ZNF385B: variants seen among roughly 807,000 people sequenced by gnomAD.
The protein encoded by ZNF385B is zinc finger protein 533.
Under a neutral mutation model 39.2 loss-of-function variants are expected in ZNF385B, and 23 were observed. The observed-to-expected ratio is 0.59, with a 90% CI of 0.42 to 0.83. The LOEUF (loss-of-function observed/expected upper bound fraction) is 0.83, where lower values mean the gene tolerates loss of function less well. ZNF385B is among the 40% of genes least tolerant of loss of function. ZNF385B has a pLI of 0.00. For missense variants in ZNF385B, 552 were observed against 598.9 expected (o/e 0.92, Z 0.82); for synonymous variants, 205 against 222.6 (o/e 0.92, Z 0.70).
chr2:179,687,337 T>C (rs1424383742), intron 3 of ZNF385B, among the ~76,000 whole-genome samples: 1 of 152,038 alleles, frequency 6.6e-6, no homozygotes, highest in Non-Finnish European at 1.5e-5. Flanking sequence ...ATCTACATTT[T>C]GTAATTTTTC....
intron 3 of ZNF385B, among the ~76,000 whole-genome samples, chr2:179,610,646 G>C (rs1221529488): frequency 1.3e-5 from 2 of 152,122 alleles, no homozygotes; most frequent in Non-Finnish European, 2.9e-5. Flanking sequence ...GCTTTGGGTA[G>C]TATGGACATC....
At chr2:179,604,841 A>G (rs922029357) in intron 3 of ZNF385B, among the ~76,000 whole-genome samples, 1 of 152,100 alleles carries the variant, frequency 6.6e-6, no homozygotes, top group Non-Finnish European at 1.5e-5. Context: ...GTGAAATGTC[A>G]CTGTGCCTAC....
intron 3 of ZNF385B, among the ~76,000 whole-genome samples, chr2:179,646,407 C>T (rs544728789): frequency 5.9e-5 from 9 of 152,320 alleles, no homozygotes; most frequent in Non-Finnish European, 1.2e-4. Context: ...AACGAGACTA[C>T]GTCTCAAAAA....
intron 6 of ZNF385B, among the ~76,000 whole-genome samples, chr2:179,454,298 A>G (rs2050454000): frequency 6.6e-6 from 1 of 152,214 alleles, no homozygotes; most frequent in African/African-American, 2.4e-5. Flanking sequence ...GGTAGCTGTC[A>G]TGATGTTGTA....
chr2:179,690,545 G>C (rs1226417325), intron 3 of ZNF385B, among the ~76,000 whole-genome samples: 1 of 152,134 alleles, frequency 6.6e-6, no homozygotes, highest in Non-Finnish European at 1.5e-5. Context: ...CTGTTCAAGG[G>C]CCAATTGTAA....
At position 179,835,536 on chromosome 2, in the gene ZNF385B, G is replaced by A. The variant is rs1300615020; in HGVS notation, c.-155+25565C>T. ...GGGGGCCAGGAAAACTATGGCAAAGGTCTAAGGAATACGACGCTTGCTAAC... is the reference window on the plus strand; with the variant it reads ...GGGGGCCAGGAAAACTATGGCAAAGATCTAAGGAATACGACGCTTGCTAAC... On this transcript the variant is annotated intron_variant, in intron 1 of 9. Coordinates refer to ENST00000410066, the MANE Select transcript of ZNF385B (RefSeq NM_152520.6). Among the ~76,000 whole-genome samples the A allele has an allele frequency of 5.3e-5, 8 of 152,208 alleles. 1 individual carries two copies. In the Middle Eastern group the frequency reaches 0.01, roughly 194 times the overall value.
chr2:179,784,139 G>T (rs896118482), intron 1 of ZNF385B, among the ~76,000 whole-genome samples: 1 of 152,142 alleles, frequency 6.6e-6, no homozygotes, highest in South Asian at 2.1e-4. Context: ...ATATTATGCA[G>T]CTGTAAAAAA....
chr2:179,442,717 C>T lies in ZNF385B; in HGVS notation c.*533G>A. ...AACAGTACACAATCCCTGTCAACAA[C>T]AGTACACCAAAAAGAGAACTTTGTG... is the stretch of plus-strand genomic sequence containing the variant. On this transcript the variant is annotated 3_prime_UTR_variant, in exon 10 of 10. Coordinates refer to ENST00000410066, the MANE Select transcript of ZNF385B (RefSeq NM_152520.6). 5.2e-6 allele frequency: 1 copy of T among 192,806 alleles called. No individual in the cohort carries two copies. Among genetic ancestry groups the T allele is most frequent in the South Asian group, 9.6e-5 (1 of 10,404 alleles). The allele number at this position is 192,806 out of a possible 1,614,324, so 11.9% of individuals were successfully genotyped here.
chr2:179,576,195 C>T (rs778954277), intron 3 of ZNF385B: 1 of 985,274 alleles, frequency 1.0e-6, no homozygotes, highest in Non-Finnish European at 1.2e-6. Context: ...CTCTTCACAT[C>T]ATTACTGGAC....
intron 1 of ZNF385B, among the ~76,000 whole-genome samples, chr2:179,808,640 T>C (rs1321672776): frequency 6.6e-6 from 1 of 152,144 alleles, no homozygotes; most frequent in African/African-American, 2.4e-5. Flanking sequence ...CAGAGAACAT[T>C]CCAAAAATAA....
chr2:179,656,664 C>T (rs1248754012), intron 3 of ZNF385B, among the ~76,000 whole-genome samples: 3 of 152,110 alleles, frequency 2.0e-5, no homozygotes, highest in South Asian at 2.1e-4. Flanking sequence ...TGTTTCTCAA[C>T]CTTTTTATTC....
rs185789456 is a variant in ZNF385B, at chr2:179,701,972, T to C, written c.298+67531A>G. Reference sequence around the variant, plus strand: ...CAGAGATGAATCCTCAGCTAAGGAATGTGAGTGAAAGCAGACAAATACCCG... The same window carrying C: ...CAGAGATGAATCCTCAGCTAAGGAACGTGAGTGAAAGCAGACAAATACCCG... On this transcript the variant is annotated intron_variant, in intron 3 of 9. Transcript: ENST00000410066. Among the ~76,000 whole-genome samples, 323 of 152,336 alleles carry C rather than the reference T, an allele frequency of 2.1e-3. 2 individuals carry two copies. Among genetic ancestry groups the C allele is most frequent in the African/African-American group, 7.6e-3 (318 of 41,580 alleles).
At chr2:179,519,503 A>G (rs1008480214) in intron 4 of ZNF385B, among the ~76,000 whole-genome samples, 24 of 152,202 alleles carry the variant, frequency 1.6e-4, no homozygotes, top group African/African-American at 5.8e-4. Flanking sequence ...CATGTATTAT[A>G]TATATTCAGA....
chr2:179,540,191 AT>A (rs1159780010), intron 4 of ZNF385B, among the ~76,000 whole-genome samples: 1 of 152,160 alleles, frequency 6.6e-6, no homozygotes, highest in African/African-American at 2.4e-5. Context: ...CACTCTTGTA[AT>A]CCCAGCACTT....
At chr2:179,483,460 A>AC in intron 5 of ZNF385B, 26 bp from the exon 6 acceptor site, 1 of 1,612,864 alleles carries the variant, frequency 6.2e-7, no homozygotes. Flanking sequence ...AATCAGGCTC[A>AC]TTTTTTTGCT....
intron 3 of ZNF385B, among the ~76,000 whole-genome samples, chr2:179,662,620 C>CTGGG (rs1350852174): frequency 6.6e-6 from 1 of 152,136 alleles, no homozygotes; most frequent in Non-Finnish European, 1.5e-5. Flanking sequence ...TTAGATGGAA[C>CTGGG]TGGGATGTTT....
At chr2:179,459,791 AT>A (rs1246853716) in intron 6 of ZNF385B, among the ~76,000 whole-genome samples, 2 of 150,708 alleles carry the variant, frequency 1.3e-5, no homozygotes, top group Non-Finnish European at 3.0e-5. Context: ...AAAACTATAT[AT>A]AAATTATATA....
At chr2:179,579,319 C>T (rs944478534) in intron 3 of ZNF385B, among the ~76,000 whole-genome samples, 3 of 151,960 alleles carry the variant, frequency 2.0e-5, no homozygotes, top group African/African-American at 7.2e-5. Flanking sequence ...TACTGGCTTA[C>T]TGGTGTGAGA....
At chr2:179,534,012 T>C (rs11885860) in intron 4 of ZNF385B, among the ~76,000 whole-genome samples, 16,236 of 152,092 alleles carry the variant, frequency 0.11, 1,052 homozygotes, top group South Asian at 0.21. Flanking sequence ...CTTAATATAT[T>C]CTCTTCCAAT....
Sources: allele counts gnomAD v4.1 joint callset (sites outside exome capture counted in the v4.1 genomes callset), GRCh38; gene constraint gnomAD v4.1.1; transcripts MANE v1.5; gene names NCBI Gene and HGNC (gene_info 2026-07-23, HGNC 2026-07-21).